Variants in AIG1 observed in about 807,000 individuals in gnomAD.
AIG1 encodes the protein androgen induced 1, also known as androgen-induced gene 1 protein.
AIG1 carries 23 observed loss-of-function variants against 31.4 expected under a neutral mutation model. The ratio of observed to expected loss-of-function variants is 0.73; its 90% CI spans 0.53 to 1.04. The LOEUF (loss-of-function observed/expected upper bound fraction) is 1.04, where lower values mean the gene tolerates loss of function less well. Ranked by LOEUF, AIG1 falls within the 50% of genes least tolerant of loss-of-function variation. AIG1 has a pLI of 0.00. For missense variants in AIG1, 274 were observed against 295.0 expected, an observed-to-expected ratio of 0.93 and a Z score of 0.52; for synonymous variants, 100 against 110.5, an observed-to-expected ratio of 0.90 and a Z score of 0.60.
At chr6:143,100,014 G>C (rs868228816) in intron 1 of AIG1, among the ~76,000 whole-genome samples, 4 of 152,172 alleles carry the variant, frequency 2.6e-5, no homozygotes. Context: ...TTCAAGTACG[G>C]TTTTGTTTGC....
intron 1 of AIG1, among the ~76,000 whole-genome samples, chr6:143,113,692 G>A (rs866012743): frequency 2.6e-5 from 4 of 152,018 alleles, no homozygotes; most frequent in Non-Finnish European, 4.4e-5. Flanking sequence ...TTACTGGAAC[G>A]ACTTTTAGGT....
At chr6:143,175,491 A>G (rs1788057424) in intron 3 of AIG1, among the ~76,000 whole-genome samples, 1 of 152,086 alleles carries the variant, frequency 6.6e-6, no homozygotes, top group Non-Finnish European at 1.5e-5. Context: ...TGGAGCCTTT[A>G]TTCATTTTTT....
intron 3 of AIG1, among the ~76,000 whole-genome samples, chr6:143,240,494 A>G (rs1302643898): frequency 2.6e-5 from 4 of 152,196 alleles, no homozygotes; most frequent in African/African-American, 9.6e-5. Context: ...AAACATATAA[A>G]CCACAGCCAC....
intron 3 of AIG1, among the ~76,000 whole-genome samples, chr6:143,240,081 G>A (rs1042816018): frequency 6.6e-6 from 1 of 152,182 alleles, no homozygotes; most frequent in Non-Finnish European, 1.5e-5. Context: ...TGACATAGGC[G>A]ATGAAGGAAC....
chr6:143,275,492 C>T (rs749803328), intron 3 of AIG1, among the ~76,000 whole-genome samples: 2 of 152,188 alleles, frequency 1.3e-5, no homozygotes, highest in Non-Finnish European at 2.9e-5. Flanking sequence ...TAGGGTTTGG[C>T]AGACACCTCC....
intron 3 of AIG1, among the ~76,000 whole-genome samples, chr6:143,265,687 C>A (rs1379236857): frequency 1.3e-5 from 2 of 152,204 alleles, no homozygotes; most frequent in Non-Finnish European, 2.9e-5. Context: ...ACACAATATA[C>A]CTCACTAGGA....
At chr6:143,209,275 A>G (rs1791401542) in intron 3 of AIG1, among the ~76,000 whole-genome samples, 2 of 152,222 alleles carry the variant, frequency 1.3e-5, no homozygotes, top group South Asian at 2.1e-4. Context: ...GTCACCCATT[A>G]TATCATTGTG....
At chr6:143,233,993 A>G (rs2128633594) in intron 3 of AIG1, among the ~76,000 whole-genome samples, 1 of 152,350 alleles carries the variant, frequency 6.6e-6, no homozygotes, top group East Asian at 1.9e-4. Context: ...CTTTTAAAAA[A>G]AGAACCTGTA....
At chr6:143,135,194 G>T (rs1783621316) in intron 1 of AIG1, among the ~76,000 whole-genome samples, 1 of 151,916 alleles carries the variant, frequency 6.6e-6, no homozygotes, top group African/African-American at 2.4e-5. Context: ...CATTTCCCTG[G>T]TTGTTAGTTA....
chr6:143,149,314 C>T (rs886959265), intron 2 of AIG1, among the ~76,000 whole-genome samples: 6 of 151,984 alleles, frequency 3.9e-5, no homozygotes, highest in Admixed American at 2.0e-4. Context: ...ATCACAAGGT[C>T]AGGAGATCGA....
intron 2 of AIG1, among the ~76,000 whole-genome samples, chr6:143,147,102 T>A (rs1784780854): frequency 6.6e-6 from 1 of 152,100 alleles, no homozygotes; most frequent in Non-Finnish European, 1.5e-5. Context: ...TTAGGTTAGG[T>A]CTGTACATAG....
At chr6:143,144,055 C>A (rs1784514379) in intron 2 of AIG1, among the ~76,000 whole-genome samples, 1 of 152,146 alleles carries the variant, frequency 6.6e-6, no homozygotes, top group Non-Finnish European at 1.5e-5. Flanking sequence ...TAAATGAGAA[C>A]CAAAGATTTT....
intron 3 of AIG1, among the ~76,000 whole-genome samples, chr6:143,211,466 T>C (rs79060578): frequency 0.017 from 2,526 of 152,298 alleles, 79 homozygotes; most frequent in African/African-American, 0.056. Flanking sequence ...CCCACCACAT[T>C]GCAAATTTCC....
chr6:143,278,310 G>C (rs1797086196), intron 3 of AIG1, among the ~76,000 whole-genome samples: 1 of 152,096 alleles, frequency 6.6e-6, no homozygotes, highest in South Asian at 2.1e-4. Flanking sequence ...TATAGCTCTT[G>C]TGTTTTGCAA....
intron 3 of AIG1, chr6:143,188,942 A>G: frequency 1.0e-6 from 1 of 983,592 alleles, no homozygotes; most frequent in Non-Finnish European, 1.2e-6. Flanking sequence ...AGCCTTCCAG[A>G]CTCATCATTT....
At chr6:143,248,296 T>C (rs1354299146) in intron 3 of AIG1, among the ~76,000 whole-genome samples, 1 of 152,226 alleles carries the variant, frequency 6.6e-6, no homozygotes, top group Admixed American at 6.5e-5. Context: ...GGTTTGCCGC[T>C]GTTTGCATAG....
intron 4 of AIG1, among the ~76,000 whole-genome samples, chr6:143,286,150 T>C (rs549078123): frequency 6.6e-6 from 1 of 152,208 alleles, no homozygotes; most frequent in East Asian, 1.9e-4. Context: ...ATTATCTGCA[T>C]CTTGTAGAGC....
At chr6:143,130,504 C>T (rs1195485957) in intron 1 of AIG1, among the ~76,000 whole-genome samples, 1 of 151,664 alleles carries the variant, frequency 6.6e-6, no homozygotes, top group African/African-American at 2.4e-5. Flanking sequence ...ATCACGAGGT[C>T]AGGAGTTCGA....
intron 1 of AIG1, among the ~76,000 whole-genome samples, chr6:143,069,312 C>T (rs915349184): frequency 4.6e-5 from 7 of 152,084 alleles, no homozygotes; most frequent in Non-Finnish European, 8.8e-5. Context: ...CCACCGCGCG[C>T]GGCCAATTTA....
Sources: gnomAD v4.1 joint callset for allele counts (sites outside exome capture counted in the v4.1 genomes callset) on GRCh38, gnomAD v4.1.1 for gene constraint, MANE v1.5 for transcripts, NCBI Gene and HGNC (gene_info 2026-07-23, HGNC 2026-07-21) for gene names.